ERBB4: variants seen among roughly 807,000 people sequenced by gnomAD.
The protein encoded by ERBB4 is receptor tyrosine-protein kinase erbB-4.
In ERBB4, 42 loss-of-function variants were observed where a neutral mutation model predicts 158.0. The ratio of observed to expected loss-of-function variants is 0.27; its 90% CI spans 0.21 to 0.34. The LOEUF is 0.34. ERBB4 is among the 10% of genes least tolerant of loss of function. The probability of loss-of-function intolerance (pLI) is 1.00; values close to 1 mark genes in which losing one functional copy is unlikely to be tolerated. For synonymous variants in ERBB4, 583 were observed against 558.7 expected, an observed-to-expected ratio of 1.04 and a Z score of -0.61; for missense variants, 1,333 against 1,624.1, an observed-to-expected ratio of 0.82 and a Z score of 3.08.
At chr2:211,761,006 T>C (rs7572424) in intron 4 of ERBB4, among the ~76,000 whole-genome samples, 65,437 of 151,620 alleles carry the variant, frequency 0.43, 14,710 homozygotes, top group Middle Eastern at 0.55. Flanking sequence ...GAGATCCTGG[T>C]CAACATAGTG....
At chr2:212,194,706 T>C (rs1023784795) in intron 1 of ERBB4, among the ~76,000 whole-genome samples, 3 of 150,960 alleles carry the variant, frequency 2.0e-5, no homozygotes, top group Non-Finnish European at 3.0e-5. Context: ...TCAAAATTAA[T>C]ATAATCATTA....
intron 2 of ERBB4, among the ~76,000 whole-genome samples, chr2:212,009,165 A>G (rs189638746): frequency 4.8e-4 from 73 of 152,154 alleles, no homozygotes; most frequent in Admixed American, 3.5e-3. Context: ...CAACCCCCCA[A>G]AAAGATATTT....
intron 1 of ERBB4, among the ~76,000 whole-genome samples, chr2:212,193,300 G>C (rs531920703): frequency 6.6e-6 from 1 of 152,242 alleles, no homozygotes; most frequent in African/African-American, 2.4e-5. Flanking sequence ...TTTAAAAGGA[G>C]GTTGTCACTC....
intron 1 of ERBB4, among the ~76,000 whole-genome samples, chr2:212,217,796 T>C (rs1018362753): frequency 6.6e-6 from 1 of 151,316 alleles, no homozygotes; most frequent in Non-Finnish European, 1.5e-5. Context: ...TAAGCTTCCG[T>C]ATATTAATTT....
intron 4 of ERBB4, among the ~76,000 whole-genome samples, chr2:211,762,655 C>G (rs972736117): frequency 6.6e-6 from 1 of 152,184 alleles, no homozygotes; most frequent in African/African-American, 2.4e-5. Flanking sequence ...GGAACTGTAA[C>G]CACCCACGTG....
intron 16 of ERBB4, among the ~76,000 whole-genome samples, chr2:211,640,647 T>C (rs948837843): frequency 2.0e-5 from 3 of 152,156 alleles, no homozygotes; most frequent in African/African-American, 7.2e-5. Flanking sequence ...TAAAATATAA[T>C]TATGCGGTTA....
rs544288842 is a variant in ERBB4, at chr2:211,976,663, T to C, written c.235-29047A>G. On this transcript the variant is annotated intron_variant, in intron 2 of 27. Coordinates refer to ENST00000342788, the MANE Select transcript of ERBB4 (RefSeq NM_005235.3). ...TGCTCTTTTCTATAACTATAAAATA[T>C]ATATATTTATTTTTCATCTTGTCAA... Among the ~76,000 whole-genome samples, 22 of 152,148 alleles carry C rather than the reference T, an allele frequency of 1.4e-4. 1 individual carries two copies. The South Asian group carries it at 3.1e-3, about 21-fold the overall frequency.
chr2:212,121,494 C>T (rs2079746357), intron 2 of ERBB4, among the ~76,000 whole-genome samples: 1 of 152,198 alleles, frequency 6.6e-6, no homozygotes, highest in Non-Finnish European at 1.5e-5. Flanking sequence ...AGGCATGAGC[C>T]TCCACACCTG....
chr2:212,062,289 A>C (rs1280647674), intron 2 of ERBB4, among the ~76,000 whole-genome samples: 1 of 152,116 alleles, frequency 6.6e-6, no homozygotes, highest in East Asian at 1.9e-4. Flanking sequence ...ACGTGTCAAC[A>C]AACTTGAAGT....
At chr2:211,703,139 G>C (rs2073313596) in intron 11 of ERBB4, among the ~76,000 whole-genome samples, 1 of 152,000 alleles carries the variant, frequency 6.6e-6, no homozygotes, top group Admixed American at 6.6e-5. Flanking sequence ...GTGTTTGTGT[G>C]TATGTATGCT....
At chr2:212,536,606 G>A (rs903423308) in intron 1 of ERBB4, among the ~76,000 whole-genome samples, 1 of 152,216 alleles carries the variant, frequency 6.6e-6, no homozygotes, top group African/African-American at 2.4e-5. Context: ...CGAAGCGAGG[G>A]CGCGAGCTAG....
intron 2 of ERBB4, among the ~76,000 whole-genome samples, chr2:211,988,453 G>C (rs138648979): frequency 6.6e-6 from 1 of 152,210 alleles, no homozygotes; most frequent in African/African-American, 2.4e-5. Context: ...TAAGTGTTTA[G>C]TAAAGAATAC....
At position 211,415,139 on chromosome 2, in the gene ERBB4, C is replaced by T. The variant is rs1319550014; in HGVS notation, c.3135+5302G>A. Among the ~76,000 whole-genome samples, 9 of 67,616 alleles carry T rather than the reference C, an allele frequency of 1.3e-4. No homozygotes were observed. The South Asian group carries it at 1.4e-3, about 11-fold the overall frequency. The allele number at this position is 67,616 out of a possible 152,430, so 44.4% of individuals were successfully genotyped here. A position where few individuals can be genotyped will look rare whatever the true frequency, so the allele number is the denominator to read the frequency against. ...TTTTTTTTTTTTTTTTTTTTTGAGA[C>T]GGAGTCTCGCTCTGTCGCCCAGGCT... On this transcript the variant is annotated intron_variant, in intron 25 of 27. Coordinates refer to ENST00000342788, the MANE Select transcript of ERBB4 (RefSeq NM_005235.3).
chr2:212,115,560 A>G (rs1446456262), intron 2 of ERBB4, among the ~76,000 whole-genome samples: 1 of 152,252 alleles, frequency 6.6e-6, no homozygotes, highest in Non-Finnish European at 1.5e-5. Context: ...CTGTTCCCAA[A>G]TAAAAGAAGT....
chr2:212,301,064 A>G (rs1418414832), intron 1 of ERBB4, among the ~76,000 whole-genome samples: 1 of 151,256 alleles, frequency 6.6e-6, no homozygotes, highest in South Asian at 2.1e-4. Context: ...AGATTTGTAC[A>G]GTTAAGTAGT....
intron 13 of ERBB4, among the ~76,000 whole-genome samples, chr2:211,675,454 T>C (rs2072024274): frequency 6.6e-6 from 1 of 152,050 alleles, no homozygotes; most frequent in Non-Finnish European, 1.5e-5. Flanking sequence ...AATTATAAAA[T>C]GTAAAAAGAC....
intron 1 of ERBB4, among the ~76,000 whole-genome samples, chr2:212,284,541 T>C (rs915759553): frequency 2.0e-5 from 3 of 152,112 alleles, no homozygotes; most frequent in Admixed American, 2.0e-4. Context: ...GCCCAATTGA[T>C]AAAAGATTTC....
intron 5 of ERBB4, among the ~76,000 whole-genome samples, chr2:211,737,086 A>G (rs1448549748): frequency 6.6e-6 from 1 of 152,192 alleles, no homozygotes; most frequent in African/African-American, 2.4e-5. Context: ...AGGGAAATAT[A>G]AGTAACTACA....
intron 1 of ERBB4, among the ~76,000 whole-genome samples, chr2:212,478,569 G>T (rs1311815899): frequency 1.3e-5 from 2 of 151,922 alleles, no homozygotes; most frequent in Non-Finnish European, 2.9e-5. Context: ...ATGAGGAAAG[G>T]GAAAGAACAA....
Sources: allele counts gnomAD v4.1 joint callset (sites outside exome capture counted in the v4.1 genomes callset), GRCh38; gene constraint gnomAD v4.1.1; transcripts MANE v1.5; gene names NCBI Gene and HGNC (gene_info 2026-07-23, HGNC 2026-07-21).